Variants in TRIM37 observed in about 807,000 individuals in gnomAD.
TRIM37 encodes the protein tripartite motif containing 37, also known as E3 ubiquitin-protein ligase TRIM37.
In TRIM37, 80 loss-of-function variants were observed where a neutral mutation model predicts 129.8. That is an observed-to-expected ratio of 0.62 (90% CI 0.51 to 0.74). The LOEUF is 0.74. Ranked by LOEUF, TRIM37 falls within the 30% of genes least tolerant of loss-of-function variation. TRIM37 has a pLI of 0.00. For synonymous variants in TRIM37, 389 were observed against 387.1 expected, an observed-to-expected ratio of 1.00 and a Z score of -0.06; for missense variants, 1,054 against 1,176.5, an observed-to-expected ratio of 0.90 and a Z score of 1.52.
chr17:59,089,371 AG>A (rs1176326570), intron 3 of TRIM37, among the ~76,000 whole-genome samples: 1 of 152,210 alleles, frequency 6.6e-6, no homozygotes, highest in Admixed American at 6.5e-5. Context: ...GGCCAGGTGC[AG>A]TGGCTCACAC....
chr17:59,101,636 T>C (rs1271941109), intron 2 of TRIM37, among the ~76,000 whole-genome samples: 4 of 99,792 alleles, frequency 4.0e-5, no homozygotes, highest in Non-Finnish European at 7.6e-5. Flanking sequence ...CTGGGCAACA[T>C]AGTGAAACCC....
At chr17:59,029,011 T>C (rs1448141244) in intron 18 of TRIM37, among the ~76,000 whole-genome samples, 2 of 152,338 alleles carry the variant, frequency 1.3e-5, no homozygotes, top group Middle Eastern at 6.8e-3. Context: ...TTCTTTAAAC[T>C]TCTCCACTTT....
intron 22 of TRIM37, among the ~76,000 whole-genome samples, chr17:59,007,158 AACACACACACACACACACACAC>A (rs540872393): frequency 1.2e-3 from 10 of 8,350 alleles, no homozygotes; most frequent in Non-Finnish European, 1.5e-3. Context: ...CCCACCCTCC[AACACACACACACACACACACAC>A]ACACACACAC....
intron 6 of TRIM37, among the ~76,000 whole-genome samples, chr17:59,080,399 G>C (rs557122214): frequency 1.3e-5 from 2 of 152,280 alleles, no homozygotes; most frequent in African/African-American, 4.8e-5. Flanking sequence ...ATCACAAATA[G>C]TTCATTGCTT....
At chr17:59,091,783 G>C (rs1287520363) in intron 2 of TRIM37, among the ~76,000 whole-genome samples, 7 of 150,530 alleles carry the variant, frequency 4.7e-5, no homozygotes, top group Admixed American at 4.0e-4. Flanking sequence ...CTTTTGAAGG[G>C]ACAAAACTCA....
At chr17:59,068,522 G>T (rs1198920066) in intron 9 of TRIM37, among the ~76,000 whole-genome samples, 2 of 152,172 alleles carry the variant, frequency 1.3e-5, no homozygotes, top group Non-Finnish European at 2.9e-5. Flanking sequence ...CTTCAAAACT[G>T]AAATAGCTGA....
intron 4 of TRIM37, among the ~76,000 whole-genome samples, chr17:59,085,181 C>G (rs940208414): frequency 6.6e-6 from 1 of 152,042 alleles, no homozygotes; most frequent in Non-Finnish European, 1.5e-5. Context: ...AAAAAATTAG[C>G]TGGGCGTGGT....
Position 59,020,230 on chromosome 17 carries a change from C to CAA in TRIM37, c.2258-2808_2258-2807dup, listed in dbSNP as rs58159558. On this transcript the variant is annotated intron_variant, in intron 19 of 23. Coordinates refer to ENST00000262294, the MANE Select transcript of TRIM37 (RefSeq NM_015294.6). Reference sequence around the variant, plus strand: ...TGGTGGACAGAGCGAGACTCTGTCTCAAAAAAAAAAAAAAAAAAAAAAAAA... The same window carrying CAA: ...TGGTGGACAGAGCGAGACTCTGTCTCAAAAAAAAAAAAAAAAAAAAAAAAAAA... Among the ~76,000 whole-genome samples the CAA allele has an allele frequency of 9.4e-5, 3 of 32,054 alleles. 1 individual carries two copies. Among genetic ancestry groups the CAA allele is most frequent in the Admixed American group, 6.0e-4 (1 of 1,662 alleles). The allele number at this position is 32,054 out of a possible 152,430, so 21.0% of individuals were successfully genotyped here. A position where few individuals can be genotyped will look rare whatever the true frequency, so the allele number is the denominator to read the frequency against.
intron 22 of TRIM37, among the ~76,000 whole-genome samples, chr17:59,008,942 C>T (rs2034891590): frequency 6.6e-6 from 1 of 152,140 alleles, no homozygotes; most frequent in Non-Finnish European, 1.5e-5. Flanking sequence ...CCACGTAACT[C>T]TTCATGATCT....
chr17:59,030,480 T>C (rs923478734), intron 18 of TRIM37, among the ~76,000 whole-genome samples: 8 of 152,206 alleles, frequency 5.3e-5, no homozygotes, highest in African/African-American at 1.9e-4. Context: ...ACTCAAGATG[T>C]TTAAATCCAA....
chr17:59,086,236 C>A (rs1223297681), intron 4 of TRIM37, among the ~76,000 whole-genome samples: 2 of 150,894 alleles, frequency 1.3e-5, no homozygotes, highest in East Asian at 1.9e-4. Flanking sequence ...CATACTCTTG[C>A]AATTTTTTTT....
chr17:59,093,582 TACG>T (rs2044589898), intron 2 of TRIM37, among the ~76,000 whole-genome samples: 1 of 152,222 alleles, frequency 6.6e-6, no homozygotes, highest in South Asian at 2.1e-4. Flanking sequence ...GATACTTTAT[TACG>T]ACGACTTATT....
Position 59,021,838 on chromosome 17 carries a change from AT to A in TRIM37, c.2258-4415del, listed in dbSNP as rs368362082. Among the ~76,000 whole-genome samples, 1,356 of 152,266 alleles carry A rather than the reference AT, an allele frequency of 8.9e-3. 8 individuals carry two copies. The highest frequency in any genetic ancestry group is 0.025 in the South Asian group (120 of 4,822). On this transcript the variant is annotated intron_variant, in intron 19 of 23. Coordinates refer to ENST00000262294, the MANE Select transcript of TRIM37 (RefSeq NM_015294.6). ...ATACTCCATTTACCCTGATGTGATTATTATGCATTGTAAGCGTGTATCAAAA... is the reference window on the plus strand; with the variant it reads ...ATACTCCATTTACCCTGATGTGATTATATGCATTGTAAGCGTGTATCAAAA...
intron 9 of TRIM37, among the ~76,000 whole-genome samples, chr17:59,069,396 A>G (rs2042183450): frequency 6.6e-6 from 1 of 152,038 alleles, no homozygotes; most frequent in Non-Finnish European, 1.5e-5. Context: ...ATAAAATAGT[A>G]CAATGAATGC....
intron 22 of TRIM37, among the ~76,000 whole-genome samples, chr17:59,003,955 T>G (rs1012961779): frequency 1.4e-5 from 2 of 145,254 alleles, no homozygotes; most frequent in South Asian, 4.3e-4. Flanking sequence ...AATTTAAAAA[T>G]TAGCCAGGCA....
Position 59,058,569 on chromosome 17 carries a change from ATAAG to A in TRIM37, c.1020-1519_1020-1516del, listed in dbSNP as rs2041184504. Among the ~76,000 whole-genome samples, 4 of 152,290 alleles carry A rather than the reference ATAAG, an allele frequency of 2.6e-5. No homozygotes were observed. In the South Asian group the frequency reaches 8.3e-4, roughly 32 times the overall value. ...AAAGAAAAGAAAAAGGAAAAAGAAA[ATAAG>A]TAAGCTGGACACAGTGGCTAACACC... On this transcript the variant is annotated intron_variant, in intron 12 of 23. Coordinates refer to ENST00000262294, the MANE Select transcript of TRIM37 (RefSeq NM_015294.6).
At chr17:59,031,831 G>T in intron 18 of TRIM37, 65 bp downstream of exon 18, 1 of 1,527,510 alleles carries the variant, frequency 6.5e-7, no homozygotes, top group African/African-American at 1.4e-5. Context: ...ATACTTAAAT[G>T]AAAATCCAAG....
chr17:59,053,271 A>G (rs1159819583), intron 13 of TRIM37, among the ~76,000 whole-genome samples: 4 of 152,230 alleles, frequency 2.6e-5, no homozygotes, highest in Non-Finnish European at 4.4e-5. Context: ...TAGTTATAGA[A>G]AAGCCTTAAA....
intron 22 of TRIM37, among the ~76,000 whole-genome samples, chr17:59,006,166 G>A (rs976852911): frequency 7.2e-5 from 11 of 151,964 alleles, no homozygotes; most frequent in African/African-American, 2.7e-4. Flanking sequence ...GCATGAAAAC[G>A]CCTGGTCTTT....
Sources: allele counts gnomAD v4.1 joint callset (sites outside exome capture counted in the v4.1 genomes callset), GRCh38; gene constraint gnomAD v4.1.1; transcripts MANE v1.5; gene names NCBI Gene and HGNC (gene_info 2026-07-23, HGNC 2026-07-21).